Variants in UBAP1 observed in about 807,000 individuals in gnomAD.
UBAP1 encodes the protein ubiquitin associated protein 1.
In UBAP1, 5 loss-of-function variants were observed where a neutral mutation model predicts 39.0. The observed-to-expected ratio is 0.13, with a 90% confidence interval of 0.07 to 0.27. The LOEUF is 0.27. Ranked by LOEUF, UBAP1 falls within the 10% of genes least tolerant of loss-of-function variation. The pLI is 1.00. For missense variants in UBAP1, 490 were observed against 608.1 expected (o/e 0.81, Z 2.04); for synonymous variants, 211 against 225.1 (o/e 0.94, Z 0.56).
chr9:34,201,265 G>A (rs1049542390), intron 1 of UBAP1: 3 of 152,088 alleles, frequency 2.0e-5, no homozygotes, highest in Non-Finnish European at 4.4e-5. Context: ...AAGTAGATTT[G>A]GCTGGGCATG....
In UBAP1 at chr9:34,251,373, G is replaced by C. The variant is rs547516810; in HGVS notation, c.1369-19G>C. On this transcript the variant is annotated intron_variant, in intron 6 of 6. Coordinates refer to ENST00000297661, the MANE Select transcript of UBAP1 (RefSeq NM_016525.5). ...GACCCCACCCTTTTCTTTAATCTGT[G>C]TTCTCTTCTCTCCCTTAGATGATGG... 7 of 1,613,560 alleles carry C rather than the reference G, an allele frequency of 4.3e-6. No individual in the cohort carries two copies. The South Asian group carries it at 7.7e-5, about 18-fold the overall frequency.
intron 3 of UBAP1, among the ~76,000 whole-genome samples, chr9:34,240,869 AG>A (rs34549569): frequency 0.32 from 49,253 of 152,050 alleles, 9,772 homozygotes; most frequent in Non-Finnish European, 0.45. Context: ...GGCACCTTAC[AG>A]GTATTTCTTA....
At chr9:34,196,255 T>C (rs1831047847) in intron 1 of UBAP1, among the ~76,000 whole-genome samples, 1 of 151,410 alleles carries the variant, frequency 6.6e-6, no homozygotes, top group Admixed American at 6.6e-5. Context: ...TCCTCCTACC[T>C]CAGCCTCTTG....
intron 2 of UBAP1, among the ~76,000 whole-genome samples, chr9:34,231,076 A>G (rs556453808): frequency 8.4e-4 from 127 of 150,910 alleles, no homozygotes; most frequent in African/African-American, 2.9e-3. Context: ...GCAGTGAGCC[A>G]TGATAGCACC....
At chr9:34,251,031 A>AG in intron 6 of UBAP1, 1 of 521,846 alleles carries the variant, frequency 1.9e-6, no homozygotes, top group Non-Finnish European at 3.5e-6. Flanking sequence ...ATGATTAGGG[A>AG]GGGAGATTGC....
At chr9:34,195,847 T>C (rs2131521100) in intron 1 of UBAP1, among the ~76,000 whole-genome samples, 1 of 148,714 alleles carries the variant, frequency 6.7e-6, no homozygotes, top group East Asian at 2.0e-4. Context: ...TCCACCTGCC[T>C]CGGCTTCCCA....
At chr9:34,230,094 C>T (rs995965823) in intron 2 of UBAP1, among the ~76,000 whole-genome samples, 16 of 152,092 alleles carry the variant, frequency 1.1e-4, no homozygotes, top group African/African-American at 3.4e-4. Context: ...AATGGAGTCT[C>T]GCCCTGTCGC....
chr9:34,190,229 C>T (rs1296760950), intron 1 of UBAP1, among the ~76,000 whole-genome samples: 1 of 152,140 alleles, frequency 6.6e-6, no homozygotes, highest in East Asian at 1.9e-4. Context: ...CACGGAAGGT[C>T]TTTAATTGTT....
At chr9:34,190,835 A>G (rs34072874) in intron 1 of UBAP1, among the ~76,000 whole-genome samples, 19,570 of 132,144 alleles carry the variant, frequency 0.15, 1,832 homozygotes, top group Non-Finnish European at 0.2. Flanking sequence ...TTTTGTAGAG[A>G]TGGGGTTTCA....
chr9:34,228,568 TTC>T (rs1491465437), intron 2 of UBAP1, among the ~76,000 whole-genome samples: 5 of 95,538 alleles, frequency 5.2e-5, no homozygotes, highest in East Asian at 8.9e-4. Flanking sequence ...CTTTCTTTGT[TTC>T]CCCCCCCCCC....
At chr9:34,242,599 G>A (rs1214802309) in intron 4 of UBAP1, among the ~76,000 whole-genome samples, 3 of 152,004 alleles carry the variant, frequency 2.0e-5, no homozygotes, top group African/African-American at 2.4e-5. Context: ...GCACCATCTC[G>A]GCTCACTGCC....
At chr9:34,207,392 TAA>T (rs1275308501) in intron 1 of UBAP1, among the ~76,000 whole-genome samples, 11 of 135,448 alleles carry the variant, frequency 8.1e-5, no homozygotes, top group Non-Finnish European at 4.8e-5. Flanking sequence ...CTTGTCTAAT[TAA>T]AAAAAAAAAA....
chr9:34,231,437 G>A (rs1833410532), intron 2 of UBAP1, among the ~76,000 whole-genome samples: 2 of 151,652 alleles, frequency 1.3e-5, no homozygotes, highest in African/African-American at 2.4e-5. Flanking sequence ...GGCTGGTCTC[G>A]AACTCATGAC....
At chr9:34,230,613 G>C (rs1053776980) in intron 2 of UBAP1, among the ~76,000 whole-genome samples, 8 of 152,230 alleles carry the variant, frequency 5.3e-5, no homozygotes, top group African/African-American at 1.9e-4. Context: ...ATTAGAAAGA[G>C]CTTTTGTTCT....
chr9:34,235,262 T>A (rs1833628855), intron 3 of UBAP1, among the ~76,000 whole-genome samples: 1 of 151,968 alleles, frequency 6.6e-6, no homozygotes. Flanking sequence ...AGTTATTATT[T>A]AGAGAAAAAT....
intron 1 of UBAP1, among the ~76,000 whole-genome samples, chr9:34,207,277 C>T (rs4879759): frequency 0.18 from 26,772 of 150,730 alleles, 2,619 homozygotes; most frequent in East Asian, 0.44. Flanking sequence ...AACTCCTGAC[C>T]TTAGGTGATC....
chr9:34,217,783 CTTT>C (rs750494361), intron 1 of UBAP1, among the ~76,000 whole-genome samples: 71 of 41,206 alleles, frequency 1.7e-3, no homozygotes, highest in Admixed American at 0.012. Flanking sequence ...GGATTTCGTT[CTTT>C]TTTTTTTTTT....
chr9:34,218,384 T>G (rs932463224), intron 1 of UBAP1, among the ~76,000 whole-genome samples: 1 of 151,088 alleles, frequency 6.6e-6, no homozygotes, highest in Non-Finnish European at 1.5e-5. Flanking sequence ...AAATTATTTA[T>G]TAAATCAAAG....
rs961572885 is a variant in UBAP1 at position 34,215,061 on chromosome 9, G to A, written c.-7-5847G>A. Among the ~76,000 whole-genome samples, 3 of 152,196 alleles carry A rather than the reference G, an allele frequency of 2.0e-5. No individual in the cohort carries two copies. In the South Asian group the frequency reaches 6.2e-4, roughly 31 times the overall value. ...ACTAGTACAGCCACTCTGGAAAACA[G>A]TGTGGAGATTCCTTAAAGAACTAAG... is the stretch of plus-strand genomic sequence containing the variant. On this transcript the variant is annotated intron_variant, in intron 1 of 6. Transcript: ENST00000297661.
Sources: allele counts gnomAD v4.1 joint callset (sites outside exome capture counted in the v4.1 genomes callset), GRCh38; gene constraint gnomAD v4.1.1; transcripts MANE v1.5; gene names NCBI Gene and HGNC (gene_info 2026-07-23, HGNC 2026-07-21).